The following ANKRD42 variants were observed in gnomAD, a reference collection of about 807,000 sequenced individuals.
The protein encoded by ANKRD42 is ankyrin repeat domain-containing protein 42.
Under a neutral mutation model 51.5 loss-of-function variants are expected in ANKRD42, and 43 were observed. The ratio of observed to expected loss-of-function variants is 0.83; its 90% CI spans 0.65 to 1.08. The LOEUF (loss-of-function observed/expected upper bound fraction) is 1.08, where lower values mean the gene tolerates loss of function less well. ANKRD42 is among the 50% of genes least tolerant of loss of function. The pLI, the probability that ANKRD42 is intolerant of heterozygous loss-of-function variation, is 0.00. For synonymous variants in ANKRD42, 203 were observed against 213.0 expected (o/e 0.95, Z 0.41); for missense variants, 608 against 629.3 (o/e 0.97, Z 0.36).
At chr11:83,255,336 G>A (rs1863750181) in intron 11 of ANKRD42, among the ~76,000 whole-genome samples, 1 of 152,194 alleles carries the variant, frequency 6.6e-6, no homozygotes, top group Non-Finnish European at 1.5e-5. Context: ...TAGAAACAGT[G>A]AGACCAGGAG....
Position 83,228,249 on chromosome 11 carries a change from T to C in ANKRD42, c.913+377T>C, listed in dbSNP as rs1431086804. The stretch of plus-strand genomic sequence containing the variant: ...TCTCTCTCTTTTTTTTTTTTTTTTT[T>C]TTTTTTTTTTTTTTTTTTTTAGACC... On this transcript the variant is annotated intron_variant, in intron 7 of 10. Coordinates refer to ENST00000533342, the MANE Select transcript of ANKRD42 (RefSeq NM_001300975.2). 1.1e-4 allele frequency among the ~76,000 whole-genome samples: 13 copies of C among 123,686 alleles called. 2 individuals carry two copies. In the East Asian group the frequency reaches 1.4e-3, roughly 13 times the overall value. The allele number at this position is 123,686 out of a possible 152,430, so 81.1% of individuals were successfully genotyped here.
At chr11:83,262,118 T>C (rs555241952), downstream of ANKRD42, 96 of 540,824 alleles carry the variant, frequency 1.8e-4, no homozygotes, top group African/African-American at 1.7e-3. Flanking sequence ...CAATTAAGTA[T>C]GAAAGACATT....
downstream of ANKRD42, among the ~76,000 whole-genome samples, chr11:83,252,552 T>C (rs1863693213): frequency 6.6e-6 from 1 of 152,196 alleles, no homozygotes; most frequent in Non-Finnish European, 1.5e-5. Context: ...TCACCACGAA[T>C]GAATTTCACA....
chr11:83,220,136 A>T (rs1338446798), intron 5 of ANKRD42, among the ~76,000 whole-genome samples: 2 of 152,128 alleles, frequency 1.3e-5, no homozygotes, highest in African/African-American at 4.8e-5. Flanking sequence ...TATCTGGGAG[A>T]CTAAGACGTC....
intron 7 of ANKRD42, among the ~76,000 whole-genome samples, chr11:83,233,212 G>GT (rs1565192379): frequency 2.4e-4 from 36 of 149,290 alleles, no homozygotes; most frequent in African/African-American, 5.0e-4. Flanking sequence ...TCGGGTCTGG[G>GT]GTTTTTTTTT....
At chr11:83,239,671 TG>T (rs36098751) in intron 8 of ANKRD42, among the ~76,000 whole-genome samples, 108,043 of 151,840 alleles carry the variant, frequency 0.71, 39,198 homozygotes, top group African/African-American at 0.84. Context: ...TTTGTGCCTT[TG>T]TCAGATCAGT....
chr11:83,260,812 AAAAATAT>A (rs1220445478), downstream of ANKRD42: 1 of 152,226 alleles, frequency 6.6e-6, no homozygotes, highest in East Asian at 1.9e-4. Context: ...CTTTGTAAGA[AAAAATAT>A]ATCTAATAAC....
intron 7 of ANKRD42, among the ~76,000 whole-genome samples, chr11:83,228,233 T>C (rs7934035): frequency 0.31 from 9,558 of 30,450 alleles, 936 homozygotes; most frequent in African/African-American, 0.45. Flanking sequence ...CTCTCTCTCT[T>C]TTTTTTTTTT....
chr11:83,242,858 C>T (rs187182567), intron 9 of ANKRD42, among the ~76,000 whole-genome samples: 258 of 152,102 alleles, frequency 1.7e-3, no homozygotes, highest in Non-Finnish European at 3.1e-3. Flanking sequence ...CCACTGTGCC[C>T]GGCCGCACCA....
chr11:83,228,488 C>T (rs1255611599), intron 7 of ANKRD42, among the ~76,000 whole-genome samples: 1 of 151,948 alleles, frequency 6.6e-6, no homozygotes. Flanking sequence ...CCTTGGCCTC[C>T]TGAAGTGCAG....
intron 5 of ANKRD42, among the ~76,000 whole-genome samples, chr11:83,217,512 A>G (rs1009891960): frequency 6.6e-6 from 1 of 152,202 alleles, no homozygotes; most frequent in Non-Finnish European, 1.5e-5. Flanking sequence ...CATCCGAGGC[A>G]GGAGATTGAA....
At chr11:83,205,793 C>G (rs912383072) in intron 2 of ANKRD42, among the ~76,000 whole-genome samples, 1 of 152,142 alleles carries the variant, frequency 6.6e-6, no homozygotes, top group South Asian at 2.1e-4. Context: ...TCATAGCAAC[C>G]ACTGACTGTA....
At chr11:83,208,803 C>G (rs919979106) in intron 3 of ANKRD42, among the ~76,000 whole-genome samples, 5 of 152,086 alleles carry the variant, frequency 3.3e-5, no homozygotes, top group African/African-American at 1.2e-4. Flanking sequence ...AGAGAGGGCC[C>G]AGGCAGTTGA....
chr11:83,220,245 G>C (rs1164201497), intron 5 of ANKRD42, among the ~76,000 whole-genome samples: 1 of 152,200 alleles, frequency 6.6e-6, no homozygotes, highest in Admixed American at 6.5e-5. Context: ...GAAGGGTCGG[G>C]GGTTGTTAGA....
chr11:83,253,295 T>G (rs981505088), downstream of ANKRD42, among the ~76,000 whole-genome samples: 53 of 152,190 alleles, frequency 3.5e-4, no homozygotes, highest in African/African-American at 1.2e-3. Context: ...CCTACTTTTT[T>G]GGGGGAGAAG....
chr11:83,259,401 A>G (rs559349252), downstream of ANKRD42: 4 of 152,188 alleles, frequency 2.6e-5, no homozygotes, highest in Non-Finnish European at 5.9e-5. Flanking sequence ...TGGTATGCAT[A>G]TTTCTATTCT....
intron 5 of ANKRD42, chr11:83,215,348 A>G (rs1046367594): frequency 1.1e-4 from 16 of 151,316 alleles, no homozygotes; most frequent in African/African-American, 3.7e-4. Flanking sequence ...GTGTGTTTCT[A>G]TAGATGAAGT....
intron 4 of ANKRD42, among the ~76,000 whole-genome samples, chr11:83,210,776 A>C (rs1052805575): frequency 6.6e-6 from 1 of 152,152 alleles, no homozygotes; most frequent in Non-Finnish European, 1.5e-5. Flanking sequence ...TGAAACTCTT[A>C]CTTCATATAG....
rs1219756666 is a variant in ANKRD42 at position 83,245,575 on chromosome 11, A to G, written c.1273A>G (p.Ile425Val). Reference sequence around the variant, plus strand: ...GAGCAACTATAAACACTTGGGAGGCATAACAGAAGAAGATTTAAAGCAGAA... The same window carrying G: ...GAGCAACTATAAACACTTGGGAGGCGTAACAGAAGAAGATTTAAAGCAGAA... ...AESNYKHLGG[I>V]TEEDLKQKKE... The change falls in exon 10 of 11, where the codon ATA (isoleucine) becomes GTA (valine). Residue 425 changes from isoleucine to valine, a missense_variant. Transcript: ENST00000533342. The G allele has an allele frequency of 1.3e-6, 2 of 1,536,638 alleles. No homozygotes were observed. The highest frequency in any genetic ancestry group is 1.7e-6 in the Non-Finnish European group (2 of 1,147,026).
Sources: gnomAD v4.1 joint callset for allele counts (sites outside exome capture counted in the v4.1 genomes callset) on GRCh38, gnomAD v4.1.1 for gene constraint, MANE v1.5 for transcripts, NCBI Gene and HGNC (gene_info 2026-07-23, HGNC 2026-07-21) for gene names.